PCSK6: variants seen among roughly 807,000 people sequenced by gnomAD.
The protein encoded by PCSK6 is paired basic amino acid cleaving enzyme 4.
A neutral mutation model predicts 123.3 loss-of-function variants in PCSK6; 85 were observed. That is an observed-to-expected ratio of 0.69 (90% CI 0.58 to 0.83). The LOEUF is 0.83. PCSK6 is among the 40% of genes least tolerant of loss of function. The pLI is 0.00. For synonymous variants in PCSK6, 508 were observed against 516.0 expected (o/e 0.98, Z 0.21); for missense variants, 1,191 against 1,282.3 (o/e 0.93, Z 1.09).
chr15:101,350,051 G>C lies in PCSK6; in HGVS notation c.1858+16145C>G, dbSNP rs931427265. Among the ~76,000 whole-genome samples the C allele has an allele frequency of 2.0e-5, 3 of 152,018 alleles. No individual in the cohort carries two copies. In the East Asian group the frequency reaches 5.8e-4, roughly 29 times the overall value. ...AGCCTCCCGAGTAGCTGAGACTACA[G>C]GTGCACGCCACCATGCCCGGCTAAT... On this transcript the variant is annotated intron_variant, in intron 13 of 21. Coordinates refer to ENST00000611716, the MANE Select transcript of PCSK6 (RefSeq NM_002570.5).
At chr15:101,370,985 C>T (rs1262100966) in intron 11 of PCSK6, among the ~76,000 whole-genome samples, 2 of 152,098 alleles carry the variant, frequency 1.3e-5, no homozygotes, top group Non-Finnish European at 2.9e-5. Flanking sequence ...AGGGGGAGGG[C>T]AGATCACAAG....
At chr15:101,442,291 T>A (rs992203034) in intron 2 of PCSK6, among the ~76,000 whole-genome samples, 1 of 152,010 alleles carries the variant, frequency 6.6e-6, no homozygotes, top group African/African-American at 2.4e-5. Context: ...TTCATATCTA[T>A]CTCGTTCGAC....
intron 13 of PCSK6, among the ~76,000 whole-genome samples, chr15:101,356,667 G>A (rs930192784): frequency 4.0e-5 from 6 of 149,992 alleles, no homozygotes; most frequent in African/African-American, 1.2e-4. Flanking sequence ...GCAACAGAGC[G>A]AGACTGTCTC....
chr15:101,385,674 G>T (rs1245956373), intron 9 of PCSK6, among the ~76,000 whole-genome samples: 2 of 152,146 alleles, frequency 1.3e-5, no homozygotes, highest in Non-Finnish European at 2.9e-5. Flanking sequence ...TAAGAGCATT[G>T]TTCCTTTCTT....
chr15:101,425,339 C>T (rs879623891), intron 6 of PCSK6, among the ~76,000 whole-genome samples: 9 of 152,188 alleles, frequency 5.9e-5, no homozygotes, highest in African/African-American at 1.9e-4. Context: ...AACCCGCTTC[C>T]TCCTGGTTCT....
chr15:101,350,460 C>T (rs2141408997), intron 13 of PCSK6, among the ~76,000 whole-genome samples: 1 of 152,118 alleles, frequency 6.6e-6, no homozygotes, highest in Middle Eastern at 3.4e-3. Context: ...TTTTTTATGC[C>T]AAATATTACT....
chr15:101,441,659 T>A (rs1303043669), intron 2 of PCSK6, among the ~76,000 whole-genome samples: 1 of 152,214 alleles, frequency 6.6e-6, no homozygotes, highest in Non-Finnish European at 1.5e-5. Flanking sequence ...AGAATCTGCT[T>A]TATTAATTCT....
At position 101,414,286 on chromosome 15, in the gene PCSK6, T is replaced by G. The variant is rs916836500; in HGVS notation, c.823+13606A>C. Among the ~76,000 whole-genome samples the G allele has an allele frequency of 7.9e-5, 12 of 152,022 alleles. 1 individual carries two copies. In the South Asian group the frequency reaches 2.5e-3, roughly 32 times the overall value. ...AACCATTCATACCTATAGCAAGCAC[T>G]CAAAATATCTTTTAAGAGAATGAAT... On this transcript the variant is annotated intron_variant, in intron 6 of 21. Coordinates refer to ENST00000611716, the MANE Select transcript of PCSK6 (RefSeq NM_002570.5).
At chr15:101,459,783 G>A (rs987680402) in intron 1 of PCSK6, among the ~76,000 whole-genome samples, 4 of 151,090 alleles carry the variant, frequency 2.6e-5, no homozygotes, top group Non-Finnish European at 4.4e-5. Context: ...CCATCCATGC[G>A]CCTGCCACCG....
chr15:101,351,323 G>T (rs2040885196), intron 13 of PCSK6, among the ~76,000 whole-genome samples: 1 of 152,258 alleles, frequency 6.6e-6, no homozygotes, highest in Non-Finnish European at 1.5e-5. Flanking sequence ...GTATTACACT[G>T]TGAACAGCTT....
intron 13 of PCSK6, among the ~76,000 whole-genome samples, chr15:101,336,122 C>G (rs369863827): frequency 9.2e-5 from 14 of 152,350 alleles, no homozygotes; most frequent in African/African-American, 3.4e-4. Flanking sequence ...TAGGGAGCAA[C>G]TACTTGAGGT....
chr15:101,314,547 A>C (rs3784519), intron 19 of PCSK6, among the ~76,000 whole-genome samples: 9 of 152,060 alleles, frequency 5.9e-5, no homozygotes, highest in Non-Finnish European at 1.3e-4. Flanking sequence ...CTCTCGCTGC[A>C]TCAAGGGAAA....
chr15:101,379,028 G>T (rs190801483), intron 11 of PCSK6, among the ~76,000 whole-genome samples: 108 of 152,374 alleles, frequency 7.1e-4, no homozygotes, highest in African/African-American at 2.5e-3. Context: ...CCAGCCACTG[G>T]GGCAGCGTTG....
In PCSK6 at chr15:101,439,500, C is replaced by A. The variant is rs143039411; in HGVS notation, c.402+4056G>T. Among the ~76,000 whole-genome samples the A allele has an allele frequency of 2.8e-3, 431 of 152,358 alleles. 2 individuals are homozygous for A. Among genetic ancestry groups the A allele is most frequent in the African/African-American group, 9.9e-3 (413 of 41,582 alleles). On this transcript the variant is annotated intron_variant, in intron 2 of 21. Transcript: ENST00000611716. The stretch of plus-strand genomic sequence containing the variant: ...ATGGGGGAGCAGTCCACCGTCCCCA[C>A]GTGGGCAAATCCTCTGGGCCCTGGG...
intron 6 of PCSK6, among the ~76,000 whole-genome samples, chr15:101,409,253 C>T (rs942907003): frequency 3.3e-5 from 5 of 151,602 alleles, no homozygotes; most frequent in Non-Finnish European, 5.9e-5. Flanking sequence ...GTCAGGAGAT[C>T]GAGACCATCC....
At chr15:101,340,079 A>G (rs1210117438) in intron 13 of PCSK6, among the ~76,000 whole-genome samples, 1 of 152,218 alleles carries the variant, frequency 6.6e-6, no homozygotes, top group African/African-American at 2.4e-5. Flanking sequence ...AAAGGTAAAA[A>G]GGAATTTAGG....
intron 13 of PCSK6, among the ~76,000 whole-genome samples, chr15:101,334,741 A>C (rs1357426063): frequency 6.6e-6 from 1 of 152,172 alleles, no homozygotes; most frequent in Non-Finnish European, 1.5e-5. Context: ...TGGTCACCAA[A>C]ACTGGATTTT....
intron 12 of PCSK6, among the ~76,000 whole-genome samples, chr15:101,370,097 A>G (rs1232603359): frequency 6.6e-6 from 1 of 152,260 alleles, no homozygotes; most frequent in African/African-American, 2.4e-5. Context: ...CTTCTCTCTG[A>G]AAAGGAAAGT....
intron 1 of PCSK6, among the ~76,000 whole-genome samples, chr15:101,455,381 C>T (rs954282740): frequency 1.3e-5 from 2 of 152,214 alleles, no homozygotes; most frequent in Admixed American, 1.3e-4. Flanking sequence ...ATCCTTGGCC[C>T]CTCTCTATTG....
Sources: gnomAD v4.1 joint callset for allele counts (sites outside exome capture counted in the v4.1 genomes callset) on GRCh38, gnomAD v4.1.1 for gene constraint, MANE v1.5 for transcripts, NCBI Gene and HGNC (gene_info 2026-07-23, HGNC 2026-07-21) for gene names.